The following SENP5 variants were observed in gnomAD, a reference collection of about 807,000 sequenced individuals.
The protein encoded by SENP5 is sentrin-specific protease 5.
SENP5 carries 21 observed loss-of-function variants against 74.2 expected under a neutral mutation model. The ratio of observed to expected loss-of-function variants is 0.28; its 90% confidence interval spans 0.20 to 0.41. The LOEUF is 0.41. SENP5 is among the 10% of genes least tolerant of loss of function. The pLI is 1.00. For missense variants in SENP5, 717 were observed against 889.1 expected, an observed-to-expected ratio of 0.81 and a Z score of 2.46; for synonymous variants, 311 against 312.7, an observed-to-expected ratio of 0.99 and a Z score of 0.06.
At chr3:196,869,255 C>T (rs1210593213) in intron 1 of SENP5, among the ~76,000 whole-genome samples, 2 of 151,944 alleles carry the variant, frequency 1.3e-5, no homozygotes, top group African/African-American at 2.4e-5. Context: ...GCCTGGAGTG[C>T]AGTGGCGCGA....
At chr3:196,922,992 G>C (rs949013654) in intron 6 of SENP5, among the ~76,000 whole-genome samples, 10 of 152,010 alleles carry the variant, frequency 6.6e-5, no homozygotes, top group Non-Finnish European at 1.3e-4. Context: ...GGCTCAAGCA[G>C]TTTTTCCGCC....
intron 6 of SENP5, chr3:196,914,578 A>ATATATATATATATAT (rs1553825306): frequency 6.9e-5 from 5 of 72,800 alleles, no homozygotes; most frequent in African/African-American, 3.0e-4. Flanking sequence ...AAAAAAAAAA[A>ATATATATATATATAT]AAAAAAAAAT....
At chr3:196,879,370 AAATT>A (rs1455126107) in intron 1 of SENP5, among the ~76,000 whole-genome samples, 12 of 152,166 alleles carry the variant, frequency 7.9e-5, no homozygotes, top group Non-Finnish European at 1.3e-4. Flanking sequence ...GTTGTCCCTG[AAATT>A]AATTGTCTTT....
chr3:196,868,551 T>A (rs977683050), intron 1 of SENP5, among the ~76,000 whole-genome samples: 4 of 152,250 alleles, frequency 2.6e-5, no homozygotes, highest in African/African-American at 9.6e-5. Flanking sequence ...CCCTTCGGTC[T>A]GCTCTGAGCG....
At chr3:196,891,105 A>C (rs750255148) in intron 2 of SENP5, among the ~76,000 whole-genome samples, 1 of 152,224 alleles carries the variant, frequency 6.6e-6, no homozygotes, top group Non-Finnish European at 1.5e-5. Flanking sequence ...ATACAATGGA[A>C]TATTATTCTA....
chr3:196,914,918 T>C (rs564657254), intron 6 of SENP5, among the ~76,000 whole-genome samples: 2 of 152,148 alleles, frequency 1.3e-5, no homozygotes, highest in South Asian at 2.1e-4. Flanking sequence ...ATAGAATCTG[T>C]GTGCTTGCAG....
chr3:196,913,831 G>C (rs1243128731), intron 6 of SENP5: 1 of 151,644 alleles, frequency 6.6e-6, no homozygotes, highest in Non-Finnish European at 1.5e-5. Context: ...TGTATTTTTA[G>C]TAGAGACAGG....
Position 196,932,517 on chromosome 3 carries a change from A to G in SENP5, c.*1594A>G, listed in dbSNP as rs1324399903. On this transcript the variant is annotated 3_prime_UTR_variant, in exon 10 of 10. Coordinates refer to ENST00000323460, the MANE Select transcript of SENP5 (RefSeq NM_152699.5). The stretch of plus-strand genomic sequence containing the variant: ...CTCTCCTGAGTCCTCCAGACCCAAA[A>G]TCCTTAATGTCAAACCAGGTCAGTG... 6.6e-6 allele frequency: 1 copy of G among 152,148 alleles called. No individual in the cohort carries two copies. The highest frequency in any genetic ancestry group is 2.4e-5 in the African/African-American group (1 of 41,414). The allele number at this position is 152,148 out of a possible 1,614,324, so 9.4% of individuals were successfully genotyped here.
chr3:196,911,146 G>A (rs570122169), intron 6 of SENP5, among the ~76,000 whole-genome samples: 2 of 152,218 alleles, frequency 1.3e-5, no homozygotes, highest in South Asian at 4.1e-4. Context: ...TACCATTCAG[G>A]ACATAGGCGT....
intron 1 of SENP5, among the ~76,000 whole-genome samples, chr3:196,879,871 T>C (rs1261289731): frequency 6.6e-6 from 1 of 152,172 alleles, no homozygotes; most frequent in African/African-American, 2.4e-5. Context: ...TAACTTCAAA[T>C]TTACCGAAAA....
chr3:196,887,159 G>T (rs1714008134), intron 2 of SENP5, among the ~76,000 whole-genome samples: 1 of 151,920 alleles, frequency 6.6e-6, no homozygotes, highest in African/African-American at 2.4e-5. Flanking sequence ...CCACTTTTTT[G>T]TATGTGCATG....
At chr3:196,921,573 T>C (rs574732460) in intron 6 of SENP5, among the ~76,000 whole-genome samples, 2 of 152,308 alleles carry the variant, frequency 1.3e-5, no homozygotes, top group African/African-American at 2.4e-5. Flanking sequence ...TTTTATTTAC[T>C]ACTGTATTCT....
At chr3:196,871,485 G>T (rs1422180780) in intron 1 of SENP5, among the ~76,000 whole-genome samples, 9 of 152,128 alleles carry the variant, frequency 5.9e-5, no homozygotes, top group Non-Finnish European at 8.8e-5. Context: ...GAAGTCACTT[G>T]CTGGCTCTTG....
chr3:196,919,629 A>G (rs1410794540), intron 6 of SENP5, among the ~76,000 whole-genome samples: 1 of 152,140 alleles, frequency 6.6e-6, no homozygotes, highest in African/African-American at 2.4e-5. Flanking sequence ...CCCCGTGTCT[A>G]CTAAAAATAC....
At chr3:196,871,165 G>T (rs184727546) in intron 1 of SENP5, among the ~76,000 whole-genome samples, 2 of 151,934 alleles carry the variant, frequency 1.3e-5, no homozygotes, top group Non-Finnish European at 1.5e-5. Context: ...GTGAGACTCT[G>T]TCTCAGAAAA....
chr3:196,910,000 G>A (rs753278093), intron 6 of SENP5, among the ~76,000 whole-genome samples: 1 of 152,112 alleles, frequency 6.6e-6, no homozygotes, highest in Non-Finnish European at 1.5e-5. Context: ...TTTAGAAAAT[G>A]CCATCGTCTC....
chr3:196,871,620 G>T (rs1393479505), intron 1 of SENP5, among the ~76,000 whole-genome samples: 1 of 152,086 alleles, frequency 6.6e-6, no homozygotes, highest in East Asian at 1.9e-4. Flanking sequence ...AGCACTTAGG[G>T]AGGCCGAGGT....
intron 1 of SENP5, among the ~76,000 whole-genome samples, chr3:196,883,082 T>A (rs1363482249): frequency 1.3e-5 from 2 of 152,118 alleles, no homozygotes; most frequent in Admixed American, 6.5e-5. Context: ...CTTCAAATTA[T>A]GCCTGGAGTC....
At chr3:196,886,720 T>C in intron 2 of SENP5, 26 bp downstream of exon 2, 4 of 1,494,864 alleles carry the variant, frequency 2.7e-6, no homozygotes, top group Non-Finnish European at 2.7e-6. Flanking sequence ...TTATTCTCCC[T>C]CAAACTCCAA....
Sources: gnomAD v4.1 joint callset for allele counts (sites outside exome capture counted in the v4.1 genomes callset) on GRCh38, gnomAD v4.1.1 for gene constraint, MANE v1.5 for transcripts, NCBI Gene and HGNC (gene_info 2026-07-23, HGNC 2026-07-21) for gene names.